SLC7A2: variants seen among roughly 807,000 people sequenced by gnomAD.
SLC7A2 encodes the protein solute carrier family 7 member 2.
A neutral mutation model predicts 58.9 loss-of-function variants in SLC7A2; 48 were observed. The ratio of observed to expected loss-of-function variants is 0.82; its 90% CI spans 0.65 to 1.04. The LOEUF (loss-of-function observed/expected upper bound fraction) is 1.04. Among genes scored for constraint, SLC7A2 ranks in the 50% least tolerant of loss-of-function variants. The probability of loss-of-function intolerance (pLI) is 0.00; values close to 1 mark genes in which losing one functional copy is unlikely to be tolerated. For missense variants in SLC7A2, 1,029 were observed against 818.8 expected, an observed-to-expected ratio of 1.26 and a Z score of -3.13; for synonymous variants, 363 against 314.5, an observed-to-expected ratio of 1.15 and a Z score of -1.63.
In SLC7A2 at chr8:17,532,259, ACC is replaced by A. The variant is rs1196712384; in HGVS notation, c.-22-11056_-22-11055del. Among the ~76,000 whole-genome samples the A allele has an allele frequency of 9.3e-3, 339 of 36,584 alleles. 5 individuals are homozygous for A. The highest frequency in any genetic ancestry group is 0.018 in the Middle Eastern group (1 of 56). 24.0% of individuals were successfully genotyped at this position (36,584 alleles called of 152,430 possible). A position where few individuals can be genotyped will look rare whatever the true frequency, so the allele number is the denominator to read the frequency against. ...AAAAAAAAAAAAAAAAAAAAAAAAA[ACC>A]CCAGCAATTCTAGGGAGGAATAATG... On this transcript the variant is annotated intron_variant, in intron 2 of 12. Coordinates refer to ENST00000494857, the MANE Select transcript of SLC7A2 (RefSeq NM_001370338.1).
At chr8:17,514,094 G>T (rs987731409) in intron 2 of SLC7A2, among the ~76,000 whole-genome samples, 12 of 152,104 alleles carry the variant, frequency 7.9e-5, no homozygotes, top group African/African-American at 2.9e-4. Context: ...CCCTTATTGG[G>T]AGTAAAAACA....
intron 1 of SLC7A2, chr8:17,499,151 C>G (rs1170257380): frequency 6.6e-6 from 1 of 152,262 alleles, no homozygotes; most frequent in Non-Finnish European, 1.5e-5. Context: ...CCGGAGTCCC[C>G]GTTGTGCCCA....
chr8:17,556,296 T>C (rs1802699238), intron 8 of SLC7A2, among the ~76,000 whole-genome samples: 1 of 151,794 alleles, frequency 6.6e-6, no homozygotes, highest in Admixed American at 6.6e-5. Context: ...CTCTTTCCGG[T>C]AAAATACTTG....
intron 4 of SLC7A2, among the ~76,000 whole-genome samples, chr8:17,548,200 A>T (rs1802269174): frequency 1.3e-5 from 2 of 152,106 alleles, no homozygotes; most frequent in Admixed American, 1.3e-4. Context: ...AATTAGCCAG[A>T]CATGGTGGCA....
At position 17,538,793 on chromosome 8, in the gene SLC7A2, G is replaced by T. The variant is rs548708338; in HGVS notation, c.-22-4525G>T. ...TTCCATCAGTCCCAAAACAGAAAGA[G>T]CAGATGTCTCACCACGAAACTAGCA... On this transcript the variant is annotated intron_variant, in intron 2 of 12. Transcript: ENST00000494857. 46 of 1,613,198 alleles carry T rather than the reference G, an allele frequency of 2.9e-5. 1 individual carries two copies. The South Asian group carries it at 4.5e-4, about 16-fold the overall frequency.
upstream of SLC7A2, chr8:17,496,954 T>G (rs2517153): frequency 1.3e-5 from 2 of 151,088 alleles, no homozygotes; most frequent in African/African-American, 2.4e-5. Flanking sequence ...CGGGGATTGG[T>G]CAGCGCGGCC....
At chr8:17,559,041 T>C (rs1401259235) in intron 9 of SLC7A2, among the ~76,000 whole-genome samples, 1 of 152,208 alleles carries the variant, frequency 6.6e-6, no homozygotes, top group East Asian at 1.9e-4. Context: ...CACTGGCTGA[T>C]GGTATTATGG....
At chr8:17,543,252 A>G in intron 2 of SLC7A2, 66 bp from the exon 3 acceptor site, 3 of 1,427,052 alleles carry the variant, frequency 2.1e-6, no homozygotes, top group South Asian at 2.7e-5. Flanking sequence ...TGTGCCTGGA[A>G]GCTAGGTTAC....
chr8:17,539,271 A>G lies in SLC7A2; in HGVS notation c.-22-4047A>G, dbSNP rs1311785450. On this transcript the variant is annotated intron_variant, in intron 2 of 12. Transcript: ENST00000494857. ...GAATTTAGCTTTTTGGCAAGAATTA[A>G]TAGGGACTTATCAAGGAATAAGGTG... 2.0e-5 allele frequency among the ~76,000 whole-genome samples: 3 copies of G among 152,142 alleles called. No individual in the cohort carries two copies. In the East Asian group the frequency reaches 5.8e-4, roughly 29 times the overall value.
chr8:17,557,040 C>G (rs1802740049), intron 8 of SLC7A2, among the ~76,000 whole-genome samples: 1 of 152,146 alleles, frequency 6.6e-6, no homozygotes, highest in Admixed American at 6.5e-5. Flanking sequence ...TAGCCTATCT[C>G]TAAGATGGGG....
chr8:17,504,959 A>T lies in SLC7A2; in HGVS notation c.-23+2657A>T, dbSNP rs114745487. On this transcript the variant is annotated intron_variant, in intron 2 of 12. Transcript: ENST00000494857. ...CCGATCTGCTGGCCATTCTGTTTAC[A>T]TTCGTGCCTCTGTGGGAAAGAAGAA... Among the ~76,000 whole-genome samples the T allele has an allele frequency of 3.6e-3, 544 of 152,280 alleles. 3 individuals are homozygous for T. The highest frequency in any genetic ancestry group is 0.013 in the African/African-American group (524 of 41,564).
At chr8:17,552,134 T>C (rs1356455437) in intron 7 of SLC7A2, 148 bp downstream of exon 7, 3 of 649,430 alleles carry the variant, frequency 4.6e-6, no homozygotes, top group Non-Finnish European at 8.0e-6. Context: ...TTGCTCAGAA[T>C]TTCCACATAA....
chr8:17,535,247 C>A (rs944615806), intron 2 of SLC7A2, among the ~76,000 whole-genome samples: 1 of 152,080 alleles, frequency 6.6e-6, no homozygotes, highest in African/African-American at 2.4e-5. Flanking sequence ...TACTTGTTTA[C>A]TCTTGCTGTG....
chr8:17,500,837 C>G (rs1800129400), intron 1 of SLC7A2, among the ~76,000 whole-genome samples: 1 of 113,584 alleles, frequency 8.8e-6, no homozygotes, highest in Non-Finnish European at 2.0e-5. Flanking sequence ...CACACACACA[C>G]ACACACAGAA....
chr8:17,504,853 G>C (rs1197165885), intron 2 of SLC7A2, among the ~76,000 whole-genome samples: 1 of 152,162 alleles, frequency 6.6e-6, no homozygotes, highest in Admixed American at 6.5e-5. Context: ...GACTTTTACA[G>C]TTTTTTCTAA....
chr8:17,516,675 C>G (rs537765022), intron 2 of SLC7A2, among the ~76,000 whole-genome samples: 2 of 152,332 alleles, frequency 1.3e-5, no homozygotes, highest in African/African-American at 4.8e-5. Context: ...ACCTGAACAC[C>G]TGCAGTTTCT....
chr8:17,545,111 T>C (rs1802101221), intron 4 of SLC7A2, among the ~76,000 whole-genome samples: 1 of 152,228 alleles, frequency 6.6e-6, no homozygotes, highest in African/African-American at 2.4e-5. Context: ...ACATACTTAG[T>C]ACTAGGATTT....
intron 2 of SLC7A2, among the ~76,000 whole-genome samples, chr8:17,535,494 C>T (rs1009997086): frequency 4.6e-5 from 7 of 152,186 alleles, no homozygotes; most frequent in African/African-American, 1.7e-4. Context: ...GTCTGTGCAA[C>T]TGCAGGTGGC....
intron 2 of SLC7A2, among the ~76,000 whole-genome samples, chr8:17,540,136 A>C (rs1801847347): frequency 6.6e-6 from 1 of 152,182 alleles, no homozygotes; most frequent in Non-Finnish European, 1.5e-5. Context: ...TGCATGATAC[A>C]CCTGCTAGGA....
Sources: allele counts gnomAD v4.1 joint callset (sites outside exome capture counted in the v4.1 genomes callset), GRCh38; gene constraint gnomAD v4.1.1; transcripts MANE v1.5; gene names NCBI Gene and HGNC (gene_info 2026-07-23, HGNC 2026-07-21).